FGGY: variants seen among roughly 807,000 people sequenced by gnomAD.
FGGY encodes FGGY carbohydrate kinase domain-containing protein.
In FGGY, 72 loss-of-function variants were observed where a neutral mutation model predicts 71.3. That is an observed-to-expected ratio of 1.01 (90% confidence interval 0.84 to 1.23). FGGY has a LOEUF of 1.23. Ranked by LOEUF, FGGY falls within the 50% of genes most tolerant of loss-of-function variation. The probability of loss-of-function intolerance (pLI) is 0.00; values close to 1 mark genes in which losing one functional copy is unlikely to be tolerated. For missense variants in FGGY, 668 were observed against 682.3 expected, an observed-to-expected ratio of 0.98 and a Z score of 0.23; for synonymous variants, 251 against 250.3, an observed-to-expected ratio of 1.00 and a Z score of -0.02.
chr1:59,698,436 C>G (rs2097681498), intron 14 of FGGY, among the ~76,000 whole-genome samples: 1 of 152,080 alleles, frequency 6.6e-6, no homozygotes, highest in African/African-American at 2.4e-5. Context: ...TTCACACTCC[C>G]CTCCAACCCC....
chr1:59,469,053 C>T (rs1437007715), intron 6 of FGGY, among the ~76,000 whole-genome samples: 1 of 152,050 alleles, frequency 6.6e-6, no homozygotes, highest in Non-Finnish European at 1.5e-5. Flanking sequence ...GACTTTGGAA[C>T]CTGCACAATA....
At chr1:59,379,936 C>T (rs775448708) in intron 5 of FGGY, among the ~76,000 whole-genome samples, 1 of 152,110 alleles carries the variant, frequency 6.6e-6, no homozygotes, top group Non-Finnish European at 1.5e-5. Context: ...TCTCCTAATG[C>T]TATCCCCCGC....
At chr1:59,721,337 G>GTTTTTTTTTTT (rs71046339) in intron 14 of FGGY, among the ~76,000 whole-genome samples, 5,587 of 104,678 alleles carry the variant, frequency 0.053, 799 homozygotes, top group African/African-American at 0.073. Flanking sequence ...TCTTTCCTTT[G>GTTTTTTTTTTT]TTTTTTTTTT....
At chr1:59,617,024 A>G (rs1208312921) in intron 9 of FGGY, among the ~76,000 whole-genome samples, 3 of 152,086 alleles carry the variant, frequency 2.0e-5, no homozygotes, top group African/African-American at 4.8e-5. Context: ...GTAAATTCCA[A>G]TCTCTGGTTT....
chr1:59,382,753 T>C (rs1571373622), intron 5 of FGGY, among the ~76,000 whole-genome samples: 1 of 152,198 alleles, frequency 6.6e-6, no homozygotes, highest in East Asian at 1.9e-4. Flanking sequence ...AATACCCCAT[T>C]GGCCTGCAAA....
intron 14 of FGGY, among the ~76,000 whole-genome samples, chr1:59,752,521 G>T (rs1442984980): frequency 6.6e-6 from 1 of 152,172 alleles, no homozygotes. Flanking sequence ...TAGGGGAGAA[G>T]GTACTAGATC....
rs201404620 is a variant in FGGY, at chr1:59,607,910, G to T, written c.1011G>T (p.Leu337Phe). 4.5e-5 allele frequency: 73 copies of T among 1,611,956 alleles called. No individual in the cohort carries two copies. Among genetic ancestry groups the T allele is most frequent in the Admixed American group, 2.5e-4 (15 of 59,944 alleles). Residue 337 changes from leucine (L) to phenylalanine (F), a missense_variant and splice_region_variant, in exon 9 of 16, where the codon TTG (leucine) becomes TTT (phenylalanine). This residue lies in a region of FGGY where 661 missense variants were observed against 661.6 expected (regional missense o/e 1.00). Coordinates refer to ENST00000303721, the MANE Select transcript of FGGY (RefSeq NM_018291.5). Reference protein sequence around the residue: ...NEGGQSVTGKLIDHMVQGHAA... With the variant: ...NEGGQSVTGKFIDHMVQGHAA... ...GTGGTCAGAGCGTTACTGGAAAATT[G>T]GTAAGTTGACACTTTCTCAATAGGG...
chr1:59,703,055 C>A (rs1038738281), intron 14 of FGGY, among the ~76,000 whole-genome samples: 6 of 152,118 alleles, frequency 3.9e-5, no homozygotes, highest in African/African-American at 1.4e-4. Flanking sequence ...TCTTATACTC[C>A]ACGTAGGGAG....
chr1:59,441,348 T>G lies in FGGY; in HGVS notation c.555-15613T>G, dbSNP rs2069828898. On this transcript the variant is annotated intron_variant, in intron 5 of 15. Coordinates refer to ENST00000303721, the MANE Select transcript of FGGY (RefSeq NM_018291.5). ...CCAATATTGGTTTGCAAATTCAAGA[T>G]AAGAACCAAGAATTTGATTCTTAAC... Among the ~76,000 whole-genome samples the G allele has an allele frequency of 2.6e-5, 4 of 152,186 alleles. No individual in the cohort carries two copies. The South Asian group carries it at 8.3e-4, about 31-fold the overall frequency.
At chr1:59,534,812 A>T (rs968850503) in intron 7 of FGGY, among the ~76,000 whole-genome samples, 1 of 152,190 alleles carries the variant, frequency 6.6e-6, no homozygotes, top group Admixed American at 6.5e-5. Context: ...GGCCTGCCCT[A>T]AAAGAGCTCT....
At chr1:59,646,704 C>A (rs1200114102) in intron 11 of FGGY, among the ~76,000 whole-genome samples, 1 of 152,042 alleles carries the variant, frequency 6.6e-6, no homozygotes, top group Non-Finnish European at 1.5e-5. Context: ...TCACAACAAC[C>A]GTGCAAGACA....
intron 6 of FGGY, among the ~76,000 whole-genome samples, chr1:59,490,007 A>G (rs552183602): frequency 3.9e-5 from 6 of 152,166 alleles, no homozygotes; most frequent in African/African-American, 1.4e-4. Context: ...GTCCATTTAT[A>G]TGTCTTCTTT....
intron 6 of FGGY, among the ~76,000 whole-genome samples, chr1:59,485,547 CTTTG>C (rs1429397320): frequency 3.3e-5 from 5 of 152,116 alleles, no homozygotes; most frequent in South Asian, 2.1e-4. Flanking sequence ...TACCTCTGGA[CTTTG>C]TTTGTATGAG....
chr1:59,656,748 T>C (rs1169916401), intron 11 of FGGY, among the ~76,000 whole-genome samples: 4 of 152,198 alleles, frequency 2.6e-5, no homozygotes, highest in African/African-American at 9.7e-5. Flanking sequence ...ATGCAAGAAA[T>C]CTCTTCTAGA....
chr1:59,374,992 C>A (rs2058404376), intron 4 of FGGY, among the ~76,000 whole-genome samples: 1 of 151,014 alleles, frequency 6.6e-6, no homozygotes, highest in African/African-American at 2.4e-5. Context: ...GTGCAGCGCA[C>A]CAGCATGTCA....
At chr1:59,587,702 T>A (rs1480080008) in intron 8 of FGGY, among the ~76,000 whole-genome samples, 1 of 152,214 alleles carries the variant, frequency 6.6e-6, no homozygotes, top group Non-Finnish European at 1.5e-5. Context: ...GGAGTGGACC[T>A]CTAGCAAACT....
At chr1:59,588,930 C>T (rs1205388422) in intron 8 of FGGY, among the ~76,000 whole-genome samples, 3 of 152,196 alleles carry the variant, frequency 2.0e-5, no homozygotes, top group African/African-American at 7.2e-5. Flanking sequence ...ATCAAATTCA[C>T]ACATAACAAT....
At chr1:59,425,693 C>A (rs191114417) in intron 5 of FGGY, among the ~76,000 whole-genome samples, 97 of 152,292 alleles carry the variant, frequency 6.4e-4, no homozygotes, top group African/African-American at 2.3e-3. Flanking sequence ...TACCATCTCT[C>A]CTTTTCCCAC....
intron 6 of FGGY, among the ~76,000 whole-genome samples, chr1:59,503,607 A>ATATG (rs1241762511): frequency 1.4e-5 from 2 of 146,802 alleles, no homozygotes; most frequent in Admixed American, 6.8e-5. Flanking sequence ...ATATATATAT[A>ATATG]TATATATATA....
Sources: allele counts gnomAD v4.1 joint callset (sites outside exome capture counted in the v4.1 genomes callset), GRCh38; gene constraint gnomAD v4.1.1; regional missense constraint gnomAD v4.1.1; transcripts MANE v1.5; gene names NCBI Gene and HGNC (gene_info 2026-07-23, HGNC 2026-07-21).